The following BANP variants were observed in gnomAD, a reference collection of about 807,000 sequenced individuals.
BANP encodes the protein BTG3 associated nuclear protein.
Under a neutral mutation model 68.1 loss-of-function variants are expected in BANP, and 11 were observed. The observed-to-expected ratio is 0.16, with a 90% CI of 0.10 to 0.27. The LOEUF (loss-of-function observed/expected upper bound fraction) is 0.27, where lower values mean the gene tolerates loss of function less well. Among genes scored for constraint, BANP ranks in the 10% least tolerant of loss-of-function variants. The pLI, the probability that BANP is intolerant of heterozygous loss-of-function variation, is 1.00. For missense variants in BANP, 504 were observed against 722.7 expected, an observed-to-expected ratio of 0.70 and a Z score of 3.47; for synonymous variants, 329 against 303.2, an observed-to-expected ratio of 1.09 and a Z score of -0.88.
rs2090171282 is a variant in BANP at position 88,071,046 on chromosome 16, T to G, written c.1378-1023T>G. On this transcript the variant is annotated intron_variant, in intron 12 of 13. Coordinates refer to ENST00000682872, the MANE Select transcript of BANP (RefSeq NM_001386991.1). This position sits in a 1 kb window ranked among gnomAD's most constrained non-coding sequence, Gnocchi z 6.5. ...GCAGTGTGTTTGCGGGGGCCAAGTT[T>G]GCTCTGTGCAGTGCTGCTGTTGTCC... 1 of 173,610 alleles carries G rather than the reference T, an allele frequency of 5.8e-6. No homozygotes were observed. The highest frequency in any genetic ancestry group is 1.2e-5 in the Non-Finnish European group (1 of 81,458). The allele number at this position is 173,610 out of a possible 1,614,324, so 10.8% of individuals were successfully genotyped here.
Position 88,002,815 on chromosome 16 carries a change from G to C in BANP, c.363-1480G>C, listed in dbSNP as rs1053423551. On this transcript the variant is annotated intron_variant, in intron 4 of 13. Transcript: ENST00000682872. The surrounding 1 kb of genome is among the most constrained non-coding windows in gnomAD (Gnocchi z 4.6). ...TTCTTCTCAGACTGTCAGTGTGCCAGTGGCCACTGTGAATAGTCATTAGGG... is the reference window on the plus strand; with the variant it reads ...TTCTTCTCAGACTGTCAGTGTGCCACTGGCCACTGTGAATAGTCATTAGGG... Among the ~76,000 whole-genome samples the C allele has an allele frequency of 6.6e-6, 1 of 152,224 alleles. No homozygotes were observed. The highest frequency in any genetic ancestry group is 1.5e-5 in the Non-Finnish European group (1 of 68,046).
rs1016562538 is a variant in BANP, at chr16:88,058,350, T to A, written c.1312-6917T>A. ...GACGGCAGGCAGGGCCGGGACGTGC[T>A]GATGTCAGGCGCCTTCGTCGACTGA... On this transcript the variant is annotated intron_variant, in intron 11 of 13. Transcript: ENST00000682872. Among the ~76,000 whole-genome samples the A allele has an allele frequency of 2.6e-5, 4 of 152,326 alleles. No individual in the cohort carries two copies. In the South Asian group the frequency reaches 8.3e-4, roughly 32 times the overall value.
At chr16:88,028,149 T>G (rs547102574) in intron 8 of BANP, among the ~76,000 whole-genome samples, 6 of 152,324 alleles carry the variant, frequency 3.9e-5, no homozygotes, top group African/African-American at 1.4e-4. Flanking sequence ...TCACTAGGAA[T>G]GACAATGTGA....
chr16:88,011,725 C>T (rs1474493378), intron 6 of BANP, among the ~76,000 whole-genome samples: 2 of 152,144 alleles, frequency 1.3e-5, no homozygotes, highest in Non-Finnish European at 2.9e-5. Context: ...GATTTTAGAG[C>T]GAGGTCACCC....
chr16:88,077,081 G>A lies in BANP; in HGVS notation c.*420G>A. On this transcript the variant is annotated 3_prime_UTR_variant, in exon 14 of 14. Transcript: ENST00000682872. ...CTCTGTCCAGTGTCATGAGACGGGA[G>A]CCCTTTGCTGTGTGCTCTGTCCAGT... 2 of 201,764 alleles carry A rather than the reference G, an allele frequency of 9.9e-6. No individual in the cohort carries two copies. Among genetic ancestry groups the A allele is most frequent in the South Asian group, 1.5e-4 (2 of 13,748 alleles). 12.5% of individuals were successfully genotyped at this position (201,764 alleles called of 1,614,324 possible). A position where few individuals can be genotyped will look rare whatever the true frequency, so the allele number is the denominator to read the frequency against.
At chr16:87,967,887 C>T (rs371499118) in intron 1 of BANP, among the ~76,000 whole-genome samples, 54 of 152,078 alleles carry the variant, frequency 3.6e-4, no homozygotes, top group African/African-American at 1.3e-3. Context: ...CCCCAAAGTG[C>T]TGGGATTACA....
chr16:88,059,620 C>T (rs1313714749), intron 11 of BANP, among the ~76,000 whole-genome samples: 3 of 152,154 alleles, frequency 2.0e-5, no homozygotes, highest in Non-Finnish European at 2.9e-5. Context: ...CACGTTCCTG[C>T]AGGCATGTGC....
At chr16:88,014,996 CCTCTCTGCCCGT>C (rs2074133993) in intron 6 of BANP, among the ~76,000 whole-genome samples, 5 of 150,734 alleles carry the variant, frequency 3.3e-5, no homozygotes, top group South Asian at 2.1e-4. Context: ...AGCTGCTTGC[CCTCTCTGCCCGT>C]CCCTCTGCCT....
intron 2 of BANP, chr16:87,978,779 C>T (rs1328682764): frequency 2.0e-5 from 8 of 401,672 alleles, no homozygotes; most frequent in African/African-American, 8.2e-5. Context: ...TCAGCCTTAA[C>T]ACGCTAAGTG....
At position 88,077,071 on chromosome 16, in the gene BANP, T is replaced by C. The variant is rs1012059577; in HGVS notation, c.*410T>C. 1.9e-5 allele frequency: 4 copies of C among 206,960 alleles called. No homozygotes were observed. Among genetic ancestry groups the C allele is most frequent in the Non-Finnish European group, 3.0e-5 (3 of 99,714 alleles). The allele number at this position is 206,960 out of a possible 1,614,324, so 12.8% of individuals were successfully genotyped here. On this transcript the variant is annotated 3_prime_UTR_variant, in exon 14 of 14. Coordinates refer to ENST00000682872, the MANE Select transcript of BANP (RefSeq NM_001386991.1). ...TTGCTGTGTGCTCTGTCCAGTGTCA[T>C]GAGACGGGAGCCCTTTGCTGTGTGC...
intron 2 of BANP, among the ~76,000 whole-genome samples, chr16:87,977,294 C>T (rs1361850005): frequency 6.6e-6 from 1 of 152,190 alleles, no homozygotes; most frequent in Non-Finnish European, 1.5e-5. Flanking sequence ...TGGCGGGCGC[C>T]TGTAGTCCCA....
chr16:87,953,192 T>TAA (rs59705558), intron 1 of BANP, among the ~76,000 whole-genome samples: 32 of 147,858 alleles, frequency 2.2e-4, no homozygotes, highest in East Asian at 7.8e-4. Context: ...CCTATGTTCT[T>TAA]AAAAAAAAAA....
chr16:87,989,899 C>T lies in BANP; in HGVS notation c.362+5640C>T, dbSNP rs1226521654. Among the ~76,000 whole-genome samples the T allele has an allele frequency of 5.4e-5, 7 of 129,792 alleles. 1 individual carries two copies. In the East Asian group the frequency reaches 1.4e-3, roughly 26 times the overall value. The allele number at this position is 129,792 out of a possible 152,430, so 85.1% of individuals were successfully genotyped here. On this transcript the variant is annotated intron_variant, in intron 4 of 13. Coordinates refer to ENST00000682872, the MANE Select transcript of BANP (RefSeq NM_001386991.1). ...GACACAGGGTGGGTGACGGGGGATG[C>T]AGGCCCGCGTGGCTGCGCACATCCA...
At chr16:87,971,711 T>A (rs189489580) in intron 1 of BANP, among the ~76,000 whole-genome samples, 53 of 152,252 alleles carry the variant, frequency 3.5e-4, no homozygotes, top group African/African-American at 1.1e-3. Context: ...TGTATTATTT[T>A]AACGAGTAGT....
intron 4 of BANP, among the ~76,000 whole-genome samples, chr16:87,997,800 C>T (rs781188977): frequency 7.2e-5 from 11 of 152,264 alleles, no homozygotes; most frequent in Non-Finnish European, 1.3e-4. Context: ...ACTCAGTACT[C>T]CTTGAGCTCA....
intron 13 of BANP, among the ~76,000 whole-genome samples, chr16:88,073,944 G>A (rs770800335): frequency 7.2e-5 from 11 of 152,334 alleles, no homozygotes; most frequent in Admixed American, 3.9e-4. Context: ...CAAGGAAGAC[G>A]GCGTGCTTAA....
chr16:87,978,652 G>A, intron 2 of BANP: 1 of 470,054 alleles, frequency 2.1e-6, no homozygotes, highest in South Asian at 1.5e-5. Flanking sequence ...GTACTCAAGG[G>A]ACACCCGCAC....
chr16:88,020,813 G>A (rs964451232), intron 7 of BANP, among the ~76,000 whole-genome samples: 2 of 152,186 alleles, frequency 1.3e-5, no homozygotes, highest in African/African-American at 4.8e-5. Flanking sequence ...TCAGGCTAAG[G>A]ATTCGGGCTT....
chr16:87,983,180 T>C (rs2063621277), intron 3 of BANP, among the ~76,000 whole-genome samples: 1 of 152,170 alleles, frequency 6.6e-6, no homozygotes, highest in Admixed American at 6.5e-5. Context: ...TTTTCAGCTG[T>C]TGATTCTTAA....
Sources: gnomAD v4.1 joint callset for allele counts (sites outside exome capture counted in the v4.1 genomes callset) on GRCh38, gnomAD v4.1.1 for gene constraint, Gnocchi (gnomAD v3.1) non-coding constraint, MANE v1.5 for transcripts, NCBI Gene and HGNC (gene_info 2026-07-23, HGNC 2026-07-21) for gene names.